Variants in VSTM4 observed in about 807,000 individuals in gnomAD.
VSTM4 encodes the protein V-set and transmembrane domain containing 4.
Under a neutral mutation model 36.4 loss-of-function variants are expected in VSTM4, and 20 were observed. The ratio of observed to expected loss-of-function variants is 0.55; its 90% CI spans 0.39 to 0.80. The LOEUF is 0.80. Among genes scored for constraint, VSTM4 ranks in the 30% least tolerant of loss-of-function variants. The pLI is 0.00. For missense variants in VSTM4, 392 were observed against 404.5 expected (o/e 0.97, Z 0.26); for synonymous variants, 182 against 173.9 (o/e 1.05, Z -0.37).
At chr10:49,071,002 G>A (rs559753452) in intron 4 of VSTM4, among the ~76,000 whole-genome samples, 166 of 152,310 alleles carry the variant, frequency 1.1e-3, no homozygotes, top group Non-Finnish European at 1.6e-3. Context: ...CCCTTTTCTT[G>A]CATCTCTCTG....
chr10:49,076,326 G>A (rs766837955), intron 4 of VSTM4, among the ~76,000 whole-genome samples: 7 of 152,158 alleles, frequency 4.6e-5, no homozygotes, highest in Non-Finnish European at 1.0e-4. Context: ...TGGTAACTTA[G>A]TCCTCACTAT....
Position 49,017,529 on chromosome 10 carries a change from C to A in VSTM4, c.*2121G>T, listed in dbSNP as rs1282643010. The A allele has an allele frequency of 6.6e-6, 1 of 152,258 alleles. No individual in the cohort carries two copies. The highest frequency in any genetic ancestry group is 1.5e-5 in the Non-Finnish European group (1 of 68,062). The allele number at this position is 152,258 out of a possible 1,614,324, so 9.4% of individuals were successfully genotyped here. A position where few individuals can be genotyped will look rare whatever the true frequency, so the allele number is the denominator to read the frequency against. ...ACTGGGAGCTACTAGCTCTTAAGAG[C>A]ATGTGTTCTTGGTAGAATGTGTTCC... On this transcript the variant is annotated 3_prime_UTR_variant, in exon 8 of 8. Coordinates refer to ENST00000332853, the MANE Select transcript of VSTM4 (RefSeq NM_001031746.5).
At chr10:49,098,263 T>C (rs1047490259) in intron 2 of VSTM4, among the ~76,000 whole-genome samples, 5 of 152,218 alleles carry the variant, frequency 3.3e-5, no homozygotes, top group African/African-American at 1.2e-4. Context: ...GGCATTATTG[T>C]GCACTCCACT....
intron 7 of VSTM4, among the ~76,000 whole-genome samples, chr10:49,020,060 C>T (rs537114637): frequency 6.6e-6 from 1 of 152,218 alleles, no homozygotes; most frequent in African/African-American, 2.4e-5. Context: ...TAAAATGAAA[C>T]TTTAATGCTG....
chr10:49,081,107 G>A (rs772918666), intron 3 of VSTM4, among the ~76,000 whole-genome samples: 3 of 152,174 alleles, frequency 2.0e-5, no homozygotes, highest in Non-Finnish European at 4.4e-5. Context: ...AGGATTTGTG[G>A]CAGGATCCCA....
At chr10:49,082,501 A>T (rs1229161228) in intron 3 of VSTM4, among the ~76,000 whole-genome samples, 1 of 152,080 alleles carries the variant, frequency 6.6e-6, no homozygotes. Flanking sequence ...AATTAGTACA[A>T]ATTTTTGTAC....
At chr10:49,104,903 A>G (rs1240984147) in intron 2 of VSTM4, among the ~76,000 whole-genome samples, 2 of 151,412 alleles carry the variant, frequency 1.3e-5, no homozygotes, top group African/African-American at 4.9e-5. Context: ...AGAGAGACAC[A>G]GAGAGAGAGA....
chr10:49,057,251 G>C lies in VSTM4; in HGVS notation c.668+7452C>G, dbSNP rs574380278. ...GGATTCAGAAGGTTTGTAAATGACAGAGGGCTAGTCATTGGTCTAATCATT... is the reference window on the plus strand; with the variant it reads ...GGATTCAGAAGGTTTGTAAATGACACAGGGCTAGTCATTGGTCTAATCATT... On this transcript the variant is annotated intron_variant, in intron 5 of 7. Coordinates refer to ENST00000332853, the MANE Select transcript of VSTM4 (RefSeq NM_001031746.5). Among the ~76,000 whole-genome samples the C allele has an allele frequency of 2.8e-3, 427 of 152,302 alleles. 2 individuals carry two copies. Among genetic ancestry groups the C allele is most frequent in the Middle Eastern group, 0.01 (3 of 294 alleles).
rs1336302685 is a variant in VSTM4, at chr10:49,018,259, C to G, written c.*1391G>C. On this transcript the variant is annotated 3_prime_UTR_variant, in exon 8 of 8. Coordinates refer to ENST00000332853, the MANE Select transcript of VSTM4 (RefSeq NM_001031746.5). ...AGACTGGCTTTAGCATGAATGTCAA[C>G]ACAGAGCATTTGTGTAGCAATTTAC... is the stretch of plus-strand genomic sequence containing the variant. 6.6e-6 allele frequency: 1 copy of G among 152,210 alleles called. No homozygotes were observed. The highest frequency in any genetic ancestry group is 2.4e-5 in the African/African-American group (1 of 41,446). 9.4% of individuals were successfully genotyped at this position (152,210 alleles called of 1,614,324 possible).
At chr10:49,056,792 G>A (rs955659762) in intron 5 of VSTM4, among the ~76,000 whole-genome samples, 5 of 152,236 alleles carry the variant, frequency 3.3e-5, no homozygotes, top group African/African-American at 1.2e-4. Context: ...CGTCTTTTCT[G>A]TCACCTGGTA....
intron 2 of VSTM4, among the ~76,000 whole-genome samples, chr10:49,106,937 G>A (rs1433556403): frequency 6.6e-6 from 1 of 152,190 alleles, no homozygotes; most frequent in African/African-American, 2.4e-5. Flanking sequence ...GCTGCCAAAA[G>A]CATTTACTGC....
At chr10:49,022,635 C>T (rs1323772521) in intron 7 of VSTM4, among the ~76,000 whole-genome samples, 1 of 152,036 alleles carries the variant, frequency 6.6e-6, no homozygotes, top group Non-Finnish European at 1.5e-5. Flanking sequence ...CTTAGTCATC[C>T]ATATCTTACA....
intron 6 of VSTM4, among the ~76,000 whole-genome samples, chr10:49,047,915 A>G (rs186528683): frequency 6.6e-6 from 1 of 152,332 alleles, no homozygotes; most frequent in East Asian, 1.9e-4. Flanking sequence ...TTTAGGAACT[A>G]TCTATAGTCA....
intron 7 of VSTM4, among the ~76,000 whole-genome samples, chr10:49,044,448 GAGAAAGAA>G (rs71465492): frequency 9.1e-6 from 1 of 109,950 alleles, no homozygotes; most frequent in East Asian, 2.3e-4. Context: ...GAAGGAAGGA[GAGAAAGAA>G]AGAAAGAAAA....
Position 49,019,790 on chromosome 10 carries a change from A to T in VSTM4, c.838-15T>A, listed in dbSNP as rs1384200022. The T allele has an allele frequency of 1.2e-6, 2 of 1,606,180 alleles. No homozygotes were observed. The highest frequency in any genetic ancestry group is 3.4e-5 in the Admixed American group (2 of 59,112). The stretch of plus-strand genomic sequence containing the variant: ...GCAATCTTTGGCTATAAAAGAAAAA[A>T]CAAAACAAAACACAATTCTAGCTGA... On this transcript the variant is annotated splice_polypyrimidine_tract_variant and intron_variant, in intron 7 of 7. Coordinates refer to ENST00000332853, the MANE Select transcript of VSTM4 (RefSeq NM_001031746.5).
intron 2 of VSTM4, among the ~76,000 whole-genome samples, chr10:49,092,235 G>C (rs1161744451): frequency 1.3e-5 from 2 of 152,222 alleles, no homozygotes; most frequent in African/African-American, 4.8e-5. Flanking sequence ...GAGTTTCTGA[G>C]AGGGTTTGGG....
intron 2 of VSTM4, chr10:49,102,445 G>A: frequency 1.0e-6 from 1 of 985,326 alleles, no homozygotes; most frequent in Non-Finnish European, 1.2e-6. Context: ...ACTCTTTTAT[G>A]TATAATATTT....
chr10:49,036,432 A>G (rs1293753287), intron 7 of VSTM4, among the ~76,000 whole-genome samples: 1 of 152,168 alleles, frequency 6.6e-6, no homozygotes, highest in Non-Finnish European at 1.5e-5. Flanking sequence ...TTAATTTTAA[A>G]TCGAGATTAT....
chr10:49,028,816 T>C lies in VSTM4; in HGVS notation c.838-9041A>G, dbSNP rs200722376. 1.2e-4 allele frequency among the ~76,000 whole-genome samples: 18 copies of C among 152,336 alleles called. 1 individual carries two copies. In the East Asian group the frequency reaches 3.5e-3, roughly 29 times the overall value. ...TCAAAAGTTCAATTGGGTAATACCA[T>C]TATCACAGCAACAGATCAATAACTG... is the stretch of plus-strand genomic sequence containing the variant. On this transcript the variant is annotated intron_variant, in intron 7 of 7. Coordinates refer to ENST00000332853, the MANE Select transcript of VSTM4 (RefSeq NM_001031746.5).
Sources: gnomAD v4.1 joint callset for allele counts (sites outside exome capture counted in the v4.1 genomes callset) on GRCh38, gnomAD v4.1.1 for gene constraint, MANE v1.5 for transcripts, NCBI Gene and HGNC (gene_info 2026-07-23, HGNC 2026-07-21) for gene names.